Variants in FAM168B observed in about 807,000 individuals in gnomAD.
FAM168B encodes the protein family with sequence similarity 168 member B.
A neutral mutation model predicts 21.8 loss-of-function variants in FAM168B; 19 were observed. The observed-to-expected ratio is 0.87, with a 90% CI of 0.61 to 1.28. The LOEUF (loss-of-function observed/expected upper bound fraction) is 1.28, where lower values mean the gene tolerates loss of function less well. Ranked by LOEUF, FAM168B falls within the 50% of genes most tolerant of loss-of-function variation. The pLI is 0.00. For synonymous variants in FAM168B, 126 were observed against 104.8 expected (o/e 1.20, Z -1.24); for missense variants, 233 against 263.1 (o/e 0.89, Z 0.79).
chr2:131,066,730 T>A (rs1692581321), intron 3 of FAM168B, among the ~76,000 whole-genome samples: 1 of 152,194 alleles, frequency 6.6e-6, no homozygotes, highest in African/African-American at 2.4e-5. Context: ...TATTCATTAT[T>A]CCAATGCCAA....
At chr2:131,085,821 A>C (rs1693666348) in intron 1 of FAM168B, among the ~76,000 whole-genome samples, 1 of 152,252 alleles carries the variant, frequency 6.6e-6, no homozygotes, top group South Asian at 2.1e-4. Context: ...AACTTTGTAC[A>C]ATGACCACAT....
chr2:131,092,807 A>C (rs1458531471), intron 1 of FAM168B, among the ~76,000 whole-genome samples: 1 of 150,058 alleles, frequency 6.7e-6, no homozygotes, highest in African/African-American at 2.5e-5. Flanking sequence ...TCCGCCAAGC[A>C]AAAAAATAAA....
chr2:131,055,197 G>A, intron 5 of FAM168B, 75 bp downstream of exon 5: 1 of 1,353,008 alleles, frequency 7.4e-7, no homozygotes, highest in East Asian at 2.8e-5. Flanking sequence ...CCAAGGGTCA[G>A]AGGATTCGTG....
In FAM168B at chr2:131,058,709, A is replaced by T. The variant is rs556077686; in HGVS notation, c.155-3014T>A. On this transcript the variant is annotated intron_variant, in intron 3 of 6. Coordinates refer to ENST00000389915, the MANE Select transcript of FAM168B (RefSeq NM_001009993.4). The stretch of plus-strand genomic sequence containing the variant: ...ATTAGGATTTGGAAAAGCAAGTTTC[A>T]AGACAAGAGCAGTTACAGAGTTTCC... Among the ~76,000 whole-genome samples, 37 of 152,336 alleles carry T rather than the reference A, an allele frequency of 2.4e-4. No homozygotes were observed. The South Asian group carries it at 7.0e-3, about 29-fold the overall frequency.
chr2:131,065,606 A>G (rs561387276), intron 3 of FAM168B, among the ~76,000 whole-genome samples: 4 of 152,172 alleles, frequency 2.6e-5, no homozygotes, highest in South Asian at 2.1e-4. Flanking sequence ...CCTGACACAC[A>G]TGGAGAAACC....
chr2:131,048,641 TGATAAA>T lies in FAM168B; in HGVS notation c.*3818_*3823del. On this transcript the variant is annotated 3_prime_UTR_variant, in exon 7 of 7. Coordinates refer to ENST00000389915, the MANE Select transcript of FAM168B (RefSeq NM_001009993.4). ...AGCCCCTGGAGCCCTCAGGACCTAC[TGATAAA>T]GCATGTCCTCTGCAGTATACTCAAG... The T allele has an allele frequency of 9.6e-7, 1 of 1,044,910 alleles. No individual in the cohort carries two copies. The highest frequency in any genetic ancestry group is 1.2e-6 in the Non-Finnish European group (1 of 864,068). 64.7% of individuals were successfully genotyped at this position (1,044,910 alleles called of 1,614,324 possible). A position where few individuals can be genotyped will look rare whatever the true frequency, so the allele number is the denominator to read the frequency against.
In FAM168B at chr2:131,053,042, G is replaced by A. The variant is rs551577171; in HGVS notation, c.476-27C>T. 142 of 1,540,344 alleles carry A rather than the reference G, an allele frequency of 9.2e-5. No individual in the cohort carries two copies. The South Asian group carries it at 1.6e-3, about 18-fold the overall frequency. On this transcript the variant is annotated intron_variant, in intron 5 of 6. Coordinates refer to ENST00000389915, the MANE Select transcript of FAM168B (RefSeq NM_001009993.4). ...TGGAAGAAAGAGCAGCACATGACAT[G>A]AGGCTGACCTCCTGCACAGCTCCAC... is the stretch of plus-strand genomic sequence containing the variant.
At chr2:131,078,071 A>G (rs1045247822) in intron 2 of FAM168B, among the ~76,000 whole-genome samples, 1 of 152,210 alleles carries the variant, frequency 6.6e-6, no homozygotes, top group African/African-American at 2.4e-5. Context: ...AAAAGAAGAC[A>G]TCATCAGTGA....
In FAM168B at chr2:131,079,251, T is replaced by C. The variant is rs182538399; in HGVS notation, c.70+3326A>G. 5.6e-3 allele frequency among the ~76,000 whole-genome samples: 857 copies of C among 152,166 alleles called. 8 individuals carry two copies. The highest frequency in any genetic ancestry group is 0.019 in the African/African-American group (790 of 41,522). On this transcript the variant is annotated intron_variant, in intron 2 of 6. Transcript: ENST00000389915. ...CCAGCACTTTGGGAGGCCAATCACC[T>C]GAGGTCAGGAGTTTAAGACCAGCCT...
intron 2 of FAM168B, among the ~76,000 whole-genome samples, chr2:131,082,254 T>C (rs373408865): frequency 1.2e-4 from 18 of 152,262 alleles, no homozygotes; most frequent in African/African-American, 3.9e-4. Context: ...AAGAGGCTCT[T>C]AGTGAGGGAC....
intron 3 of FAM168B, among the ~76,000 whole-genome samples, chr2:131,057,911 G>A (rs1390591566): frequency 2.6e-5 from 4 of 151,968 alleles, no homozygotes; most frequent in African/African-American, 7.3e-5. Flanking sequence ...GCTCACTGCA[G>A]CCTCCGCCTC....
At chr2:131,058,114 G>A (rs1486978159) in intron 3 of FAM168B, among the ~76,000 whole-genome samples, 2 of 144,036 alleles carry the variant, frequency 1.4e-5, no homozygotes, top group Admixed American at 1.3e-4. Context: ...TTACAGGTGT[G>A]AGCCTGTATA....
intron 3 of FAM168B, among the ~76,000 whole-genome samples, chr2:131,056,855 C>T (rs2105467442): frequency 6.6e-6 from 1 of 152,244 alleles, no homozygotes; most frequent in Admixed American, 6.5e-5. Flanking sequence ...GACAGAAGCT[C>T]TAGGAAAGAC....
At chr2:131,055,981 G>A (rs1212913160) in intron 3 of FAM168B, among the ~76,000 whole-genome samples, 3 of 152,208 alleles carry the variant, frequency 2.0e-5, no homozygotes, top group African/African-American at 7.2e-5. Context: ...AATAAAAACT[G>A]TCTTGTCCTG....
rs187913072 is a variant in FAM168B, at chr2:131,058,211, C to T, written c.155-2516G>A. On this transcript the variant is annotated intron_variant, in intron 3 of 6. Transcript: ENST00000389915. Reference sequence around the variant, plus strand: ...CCCTGGGAAATTCACTAGTCTGGGGCCTTTTGTTTGGGGTGCCAGTGCAAT... The same window carrying T: ...CCCTGGGAAATTCACTAGTCTGGGGTCTTTTGTTTGGGGTGCCAGTGCAAT... 3.0e-3 allele frequency among the ~76,000 whole-genome samples: 454 copies of T among 152,196 alleles called. 5 individuals are homozygous for T. Among genetic ancestry groups the T allele is most frequent in the Non-Finnish European group, 1.6e-3 (110 of 67,998 alleles).
chr2:131,079,462 T>G (rs1693325780), intron 2 of FAM168B, among the ~76,000 whole-genome samples: 1 of 151,898 alleles, frequency 6.6e-6, no homozygotes, highest in African/African-American at 2.4e-5. Context: ...GTGACAAGAG[T>G]GAGACTTCGT....
At chr2:131,063,392 T>G (rs1453769612) in intron 3 of FAM168B, among the ~76,000 whole-genome samples, 1 of 152,236 alleles carries the variant, frequency 6.6e-6, no homozygotes, top group Admixed American at 6.5e-5. Context: ...ACTTTTGGTC[T>G]TTGGTTTAGG....
In FAM168B at chr2:131,052,918, C is replaced by T. The variant is rs1172936684; in HGVS notation, c.573G>A (p.Val191=). Residue 191 remains valine (V), a synonymous_variant, in exon 6 of 7, where the codon GTG becomes GTA. Coordinates refer to ENST00000389915, the MANE Select transcript of FAM168B (RefSeq NM_001009993.4). ...TTGCAGGTGATCACCACTGAGGGGG[C>T]ACATAGCTGTAAGTGGGCGTTCCTG... ...RAPGTPTYSY[V]PPQW The T allele has an allele frequency of 6.4e-7, 1 of 1,559,466 alleles. No homozygotes were observed. Among genetic ancestry groups the T allele is most frequent in the Non-Finnish European group, 8.7e-7 (1 of 1,150,976 alleles).
chr2:131,052,757 A>G, intron 6 of FAM168B, 134 bp downstream of exon 6: 2 of 1,358,548 alleles, frequency 1.5e-6, no homozygotes, highest in Non-Finnish European at 2.0e-6. Flanking sequence ...CAAAAAATTT[A>G]AACACTACAT....
Sources: gnomAD v4.1 joint callset for allele counts (sites outside exome capture counted in the v4.1 genomes callset) on GRCh38, gnomAD v4.1.1 for gene constraint, MANE v1.5 for transcripts, NCBI Gene and HGNC (gene_info 2026-07-23, HGNC 2026-07-21) for gene names.